EYA2: variants seen among roughly 807,000 people sequenced by gnomAD.
EYA2 encodes the protein protein phosphatase EYA2.
Under a neutral mutation model 69.2 loss-of-function variants are expected in EYA2, and 31 were observed. The ratio of observed to expected loss-of-function variants is 0.45; its 90% confidence interval spans 0.34 to 0.60. EYA2 has a LOEUF of 0.60. Ranked by LOEUF, EYA2 falls within the 20% of genes least tolerant of loss-of-function variation. EYA2 has a pLI of 0.02. For missense variants in EYA2, 622 were observed against 701.2 expected (o/e 0.89, Z 1.28); for synonymous variants, 257 against 279.4 (o/e 0.92, Z 0.80).
At chr20:47,060,931 C>A (rs1174846521) in intron 5 of EYA2, among the ~76,000 whole-genome samples, 1 of 150,064 alleles carries the variant, frequency 6.7e-6, no homozygotes, top group African/African-American at 2.5e-5. Flanking sequence ...TCTTGGCTCA[C>A]TGCAACCTCT....
At chr20:47,051,891 G>A (rs146208192) in intron 5 of EYA2, among the ~76,000 whole-genome samples, 11 of 152,298 alleles carry the variant, frequency 7.2e-5, no homozygotes, top group African/African-American at 2.2e-4. Flanking sequence ...ACCACAGCTC[G>A]GGGCTCAGCA....
intron 1 of EYA2, among the ~76,000 whole-genome samples, chr20:46,945,495 A>G (rs1978404351): frequency 6.6e-6 from 1 of 152,194 alleles, no homozygotes. Flanking sequence ...GAGTTCCCAC[A>G]GTTGCGCTGC....
chr20:47,140,813 G>T (rs527396999), intron 9 of EYA2, among the ~76,000 whole-genome samples: 1 of 152,316 alleles, frequency 6.6e-6, no homozygotes, highest in Admixed American at 6.5e-5. Context: ...TGATTCTGGG[G>T]ATCGGCAAGT....
At chr20:46,975,384 T>C (rs933694233) in intron 1 of EYA2, among the ~76,000 whole-genome samples, 43 of 152,284 alleles carry the variant, frequency 2.8e-4, no homozygotes, top group African/African-American at 1.0e-3. Flanking sequence ...AAATAAAAAG[T>C]TTTGGCCGGG....
chr20:47,135,625 C>CAT (rs2033445404), intron 9 of EYA2, among the ~76,000 whole-genome samples: 1 of 151,648 alleles, frequency 6.6e-6, no homozygotes, highest in Non-Finnish European at 1.5e-5. Context: ...GGTTGTACAG[C>CAT]TAATTAGTAT....
In EYA2 at chr20:47,014,281, T is replaced by C. The variant is rs569700779; in HGVS notation, c.299-1900T>C. 8.5e-4 allele frequency among the ~76,000 whole-genome samples: 129 copies of C among 152,266 alleles called. 1 individual carries two copies. The highest frequency in any genetic ancestry group is 3.1e-3 in the African/African-American group (127 of 41,550). ...GACTCACAATCTATCTGTTTTTACCTTACTAAGCATTCTCTTATTTTACGG... is the reference window on the plus strand; with the variant it reads ...GACTCACAATCTATCTGTTTTTACCCTACTAAGCATTCTCTTATTTTACGG... On this transcript the variant is annotated intron_variant, in intron 4 of 15. Transcript: ENST00000327619.
rs572061215 is a variant in EYA2, at chr20:47,142,109, T to C, written c.889-950T>C. ...AGGCTTTGTGGGACACACAGTCTACTCACCTCTGACTTTGTAGTACAGTGT... is the reference window on the plus strand; with the variant it reads ...AGGCTTTGTGGGACACACAGTCTACCCACCTCTGACTTTGTAGTACAGTGT... On this transcript the variant is annotated intron_variant, in intron 9 of 15. Transcript: ENST00000327619. 2.6e-5 allele frequency among the ~76,000 whole-genome samples: 4 copies of C among 152,352 alleles called. No individual in the cohort carries two copies. The East Asian group carries it at 7.7e-4, about 29-fold the overall frequency.
intron 10 of EYA2, among the ~76,000 whole-genome samples, chr20:47,158,718 C>T (rs569226813): frequency 1.6e-4 from 24 of 151,858 alleles, no homozygotes; most frequent in Non-Finnish European, 2.6e-4. Flanking sequence ...CTTTTAGCAC[C>T]GTAAAGTAAG....
intron 10 of EYA2, among the ~76,000 whole-genome samples, chr20:47,163,354 G>A (rs971069772): frequency 3.9e-5 from 6 of 151,994 alleles, no homozygotes; most frequent in South Asian, 4.1e-4. Context: ...TTTAACCTGC[G>A]TTTTTCACAC....
chr20:47,057,980 C>T (rs1293797485), intron 5 of EYA2, among the ~76,000 whole-genome samples: 1 of 152,164 alleles, frequency 6.6e-6, no homozygotes, highest in African/African-American at 2.4e-5. Flanking sequence ...AACTGATAAG[C>T]GATGAGGAAG....
chr20:47,137,111 C>T (rs188315343), intron 9 of EYA2, among the ~76,000 whole-genome samples: 114 of 152,230 alleles, frequency 7.5e-4, no homozygotes, highest in Non-Finnish European at 4.6e-4. Context: ...AAACTACCTC[C>T]TCTCAGTTCA....
intron 1 of EYA2, among the ~76,000 whole-genome samples, chr20:46,962,618 G>A (rs1002724423): frequency 2.0e-5 from 3 of 152,188 alleles, no homozygotes; most frequent in Non-Finnish European, 2.9e-5. Context: ...CTTCCACAGT[G>A]AGATCATATG....
At chr20:47,154,819 T>TTGTTTTGTGTG (rs1555832408) in intron 10 of EYA2, among the ~76,000 whole-genome samples, 2 of 140,794 alleles carry the variant, frequency 1.4e-5, no homozygotes, top group Non-Finnish European at 3.1e-5. Context: ...TTATTTTGTT[T>TTGTTTTGTGTG]TGTGTGTGTG....
intron 4 of EYA2, among the ~76,000 whole-genome samples, chr20:47,013,892 T>C (rs1983241229): frequency 6.6e-6 from 1 of 152,200 alleles, no homozygotes; most frequent in African/African-American, 2.4e-5. Context: ...TCTGGCACCA[T>C]CGATGGCATA....
At chr20:47,038,615 A>G (rs1171213479) in intron 5 of EYA2, among the ~76,000 whole-genome samples, 1 of 152,206 alleles carries the variant, frequency 6.6e-6, no homozygotes, top group East Asian at 1.9e-4. Flanking sequence ...CACATACACA[A>G]TGTTCATTGT....
chr20:47,115,078 A>G (rs568810745), intron 9 of EYA2, among the ~76,000 whole-genome samples: 72 of 152,184 alleles, frequency 4.7e-4, no homozygotes, highest in Non-Finnish European at 5.1e-4. Context: ...TCACAAAGAT[A>G]CTTTCGGGCA....
At chr20:47,023,574 A>G (rs1332509957) in intron 5 of EYA2, among the ~76,000 whole-genome samples, 1 of 148,954 alleles carries the variant, frequency 6.7e-6, no homozygotes, top group Non-Finnish European at 1.5e-5. Flanking sequence ...TGCTAATTAC[A>G]TCCATGTCAT....
At chr20:46,999,839 G>A (rs912361718) in intron 2 of EYA2, among the ~76,000 whole-genome samples, 4 of 152,182 alleles carry the variant, frequency 2.6e-5, no homozygotes, top group South Asian at 2.1e-4. Context: ...TCGGAGCCCC[G>A]GTTTCTTCAT....
intron 10 of EYA2, chr20:47,161,152 C>A: frequency 2.8e-6 from 1 of 354,636 alleles, no homozygotes. Context: ...TGAAGTGCAC[C>A]AGCACAGAGC....
Sources: gnomAD v4.1 joint callset for allele counts (sites outside exome capture counted in the v4.1 genomes callset) on GRCh38, gnomAD v4.1.1 for gene constraint, MANE v1.5 for transcripts, NCBI Gene and HGNC (gene_info 2026-07-23, HGNC 2026-07-21) for gene names.